Variants in MDN1 observed in about 807,000 individuals in gnomAD.
MDN1 encodes the protein midasin AAA ATPase 1, also known as midasin.
In MDN1, 266 loss-of-function variants were observed where a neutral mutation model predicts 669.2. The observed-to-expected ratio is 0.40, with a 90% CI of 0.36 to 0.44. The LOEUF (loss-of-function observed/expected upper bound fraction) is 0.44. Among genes scored for constraint, MDN1 ranks in the 20% least tolerant of loss-of-function variants. MDN1 has a pLI of 1.00. For missense variants in MDN1, 5,940 were observed against 6,754.0 expected, an observed-to-expected ratio of 0.88 and a Z score of 4.22; for synonymous variants, 2,385 against 2,457.1, an observed-to-expected ratio of 0.97 and a Z score of 0.87.
At position 89,684,911 on chromosome 6, in the gene MDN1, C is replaced by T. The variant is rs779499640; in HGVS notation, c.11794G>A (p.Val3932Met). The T allele has an allele frequency of 6.2e-7, 1 of 1,612,850 alleles. No individual in the cohort carries two copies. Among genetic ancestry groups the T allele is most frequent in the South Asian group, 1.1e-5 (1 of 91,018 alleles). The change falls in exon 71 of 102, where the codon GTG becomes ATG. Residue 3932 changes from valine (V) to methionine (M), a missense_variant. Transcript: ENST00000369393. Reference sequence around the variant, plus strand: ...TTTTCTAGGGGGGAACGAAGTTCCACAATTTTGGCCTGGACCCGGTCAAAG... The same window carrying T: ...TTTTCTAGGGGGGAACGAAGTTCCATAATTTTGGCCTGGACCCGGTCAAAG... ...QFFDRVQAKIVELRSPLEKEL... is the reference protein window; with the variant it reads ...QFFDRVQAKIMELRSPLEKEL...
intron 15 of MDN1, among the ~76,000 whole-genome samples, chr6:89,763,960 A>G (rs1817681247): frequency 6.6e-6 from 1 of 152,330 alleles, no homozygotes; most frequent in South Asian, 2.1e-4. Context: ...CATGCCTGTA[A>G]TCCCACCACT....
chr6:89,727,784 T>C, intron 37 of MDN1, 49 bp downstream of exon 37: 7 of 1,613,248 alleles, frequency 4.3e-6, no homozygotes, highest in Non-Finnish European at 5.9e-6. Flanking sequence ...GGATGACTGC[T>C]CCTCACACAC....
chr6:89,722,520 C>A (rs1200987220), intron 40 of MDN1, among the ~76,000 whole-genome samples: 1 of 152,196 alleles, frequency 6.6e-6, no homozygotes, highest in East Asian at 1.9e-4. Flanking sequence ...AACGTTTAGT[C>A]TGTTCTTTTA....
intron 15 of MDN1, among the ~76,000 whole-genome samples, chr6:89,765,162 G>A (rs1817749460): frequency 3.3e-5 from 5 of 152,180 alleles, no homozygotes; most frequent in African/African-American, 1.2e-4. Flanking sequence ...GGAGGCTGAG[G>A]CAGGAGAATG....
chr6:89,762,872 T>C (rs1031690446), intron 15 of MDN1, among the ~76,000 whole-genome samples: 1 of 152,004 alleles, frequency 6.6e-6, no homozygotes, highest in South Asian at 2.1e-4. Context: ...CTGGGCAACA[T>C]GGCAAAACCC....
At chr6:89,669,385 C>T (rs896554378) in intron 83 of MDN1, among the ~76,000 whole-genome samples, 2 of 152,170 alleles carry the variant, frequency 1.3e-5, no homozygotes, top group African/African-American at 4.8e-5. Context: ...CTTATTATTA[C>T]TTTTTATTAT....
chr6:89,703,337 A>C (rs1431943717), intron 53 of MDN1, among the ~76,000 whole-genome samples: 1 of 146,420 alleles, frequency 6.8e-6, no homozygotes, highest in African/African-American at 2.5e-5. Context: ...TTAACAAAAA[A>C]CAAAACAAAA....
In MDN1 at chr6:89,716,688, A is replaced by C; in HGVS notation, c.6705T>G (p.Ser2235=). 6.2e-7 allele frequency: 1 copy of C among 1,613,618 alleles called. No individual in the cohort carries two copies. The highest frequency in any genetic ancestry group is 8.5e-7 in the Non-Finnish European group (1 of 1,179,786). Residue 2235 remains serine (S), a synonymous_variant, in exon 44 of 102, where the codon TCT becomes TCG. Transcript: ENST00000369393. ...CATTGTCCATCAGAAGCCAGTCTCC[A>C]GACTTCAGGGCCTGAACCAACATGC... is the stretch of plus-strand genomic sequence containing the variant. ...VDSMLVQALK[S]GDWLLMDNVN...
intron 1 of MDN1, among the ~76,000 whole-genome samples, chr6:89,810,711 T>C (rs79910345): frequency 2.6e-3 from 395 of 152,106 alleles, no homozygotes; most frequent in African/African-American, 9.2e-3. Flanking sequence ...AGAACAGTCA[T>C]ATTGTGCTGG....
At position 89,671,060 on chromosome 6, in the gene MDN1, G is replaced by A; in HGVS notation, c.13815C>T (p.Ser4605=). 6.2e-7 allele frequency: 1 copy of A among 1,614,016 alleles called. No individual in the cohort carries two copies. Among genetic ancestry groups the A allele is most frequent in the South Asian group, 1.1e-5 (1 of 91,060 alleles). The stretch of plus-strand genomic sequence containing the variant: ...GGACCGGCACCAGGCGCACCAGCAA[G>A]GAACAGGATTGGCTGAAGAACTGAG... ...AKHLFFSQSC[S]LLVRLVPVLS... is the part of the protein sequence containing the mutation. Residue 4605 remains serine, a synonymous_variant, in exon 83 of 102, where the codon TCC becomes TCT. Coordinates refer to ENST00000369393, the MANE Select transcript of MDN1 (RefSeq NM_014611.3).
intron 47 of MDN1, 123 bp downstream of exon 47, chr6:89,713,025 T>G: frequency 9.3e-7 from 1 of 1,078,948 alleles, no homozygotes. Context: ...AGATCTCTAT[T>G]AGAGCAAACT....
Position 89,650,384 on chromosome 6 carries a change from C to G in MDN1, c.16032-186G>C, listed in dbSNP as rs2273240. On this transcript the variant is annotated intron_variant, in intron 96 of 101. Transcript: ENST00000369393. Reference sequence around the variant, plus strand: ...GACCTCTAGCCAGAAAAACTGGACACGTATGTGGCAATAATAATTAGGTCC... The same window carrying G: ...GACCTCTAGCCAGAAAAACTGGACAGGTATGTGGCAATAATAATTAGGTCC... Among the ~76,000 whole-genome samples, 345 of 152,342 alleles carry G rather than the reference C, an allele frequency of 2.3e-3. 7 individuals carry two copies. The East Asian group carries it at 0.055, about 24-fold the overall frequency.
intron 60 of MDN1, among the ~76,000 whole-genome samples, 180 bp from the exon 61 acceptor site, chr6:89,696,172 A>G (rs1462336925): frequency 6.6e-6 from 1 of 152,160 alleles, no homozygotes; most frequent in Non-Finnish European, 1.5e-5. Context: ...TGATCACAAT[A>G]TGCTTAAAAC....
At chr6:89,725,132 G>T in intron 38 of MDN1, 67 bp downstream of exon 38, 1 of 1,411,890 alleles carries the variant, frequency 7.1e-7, no homozygotes, top group Non-Finnish European at 1.0e-6. Context: ...ATCCTTAAAG[G>T]CTTCATAATA....
In MDN1 at chr6:89,661,464, C is replaced by T. The variant is rs745794973; in HGVS notation, c.14680G>A (p.Gly4894Ser). Residue 4894 changes from glycine (G) to serine (S), a missense_variant, in exon 88 of 102, where the codon GGT becomes AGT. Coordinates refer to ENST00000369393, the MANE Select transcript of MDN1 (RefSeq NM_014611.3). The stretch of plus-strand genomic sequence containing the variant: ...TCTTCATTGTCGGTGTCCTCACCAC[C>T]ATTCTTGTCTTCACTGTCGAGGTTC... ...DLNLDSEDKNGGEDTDNEEGE... is the reference protein window; with the variant it reads ...DLNLDSEDKNSGEDTDNEEGE... The T allele has an allele frequency of 7.6e-5, 122 of 1,614,006 alleles. 2 individuals are homozygous for T. The South Asian group carries it at 1.3e-3, about 17-fold the overall frequency.
In MDN1 at chr6:89,662,227, G is replaced by A. The variant is rs1809836385; in HGVS notation, c.14425C>T (p.Leu4809Phe). The A allele has an allele frequency of 1.2e-6, 2 of 1,608,780 alleles. No individual in the cohort carries two copies. The highest frequency in any genetic ancestry group is 2.2e-5 in the South Asian group (2 of 89,564). ...GPGMDEEDSELVAKDDNLDSG... is the reference protein window; with the variant it reads ...GPGMDEEDSEFVAKDDNLDSG... ...TCCAAGTTGTCATCTTTAGCAACAA[G>A]TTCAGAATCTTCCTAAATGTCAGAG... Residue 4809 changes from leucine (L) to phenylalanine (F), a missense_variant, in exon 87 of 102, where the codon CTT (leucine) becomes TTT (phenylalanine). Physicochemically the swap from Leu to Phe is conservative, Grantham distance 22. Around this residue, in one of 5 missense-constraint regions of MDN1, gnomAD observed 2,280 missense variants for 2,576.3 expected, o/e 0.88. Transcript: ENST00000369393.
At chr6:89,783,875 G>A (rs1197400111) in intron 9 of MDN1, among the ~76,000 whole-genome samples, 4 of 151,996 alleles carry the variant, frequency 2.6e-5, no homozygotes, top group Non-Finnish European at 4.4e-5. Context: ...CCAGCTACTC[G>A]GGAGGCTGAG....
At chr6:89,738,943 T>C (rs1816145772) in intron 32 of MDN1, among the ~76,000 whole-genome samples, 1 of 152,218 alleles carries the variant, frequency 6.6e-6, no homozygotes, top group Admixed American at 6.5e-5. Context: ...AACAAGAAAT[T>C]GTTTAGCCAC....
chr6:89,803,604 C>G (rs771188529), intron 1 of MDN1, 50 bp from the exon 2 acceptor site: 50 of 1,229,858 alleles, frequency 4.1e-5, no homozygotes, highest in Middle Eastern at 5.4e-4. Context: ...TTTTTTGAGA[C>G]ACAGTCTCGC....
Sources: gnomAD v4.1 joint callset for allele counts (sites outside exome capture counted in the v4.1 genomes callset) on GRCh38, gnomAD v4.1.1 for gene constraint, gnomAD v4.1.1 regional missense constraint, MANE v1.5 for transcripts, NCBI Gene and HGNC (gene_info 2026-07-23, HGNC 2026-07-21) for gene names.